MARCHF6: variants seen among roughly 807,000 people sequenced by gnomAD.
The protein encoded by MARCHF6 is membrane associated ring-CH-type finger 6, also known as E3 ubiquitin-protein ligase MARCHF6.
A neutral mutation model predicts 133.7 loss-of-function variants in MARCHF6; 31 were observed. That is an observed-to-expected ratio of 0.23 (90% CI 0.17 to 0.31). The LOEUF is 0.31. MARCHF6 is among the 10% of genes least tolerant of loss of function. The probability of loss-of-function intolerance (pLI) is 1.00; values close to 1 mark genes in which losing one functional copy is unlikely to be tolerated. For synonymous variants in MARCHF6, 395 were observed against 402.5 expected (o/e 0.98, Z 0.22); for missense variants, 723 against 1,121.6 (o/e 0.64, Z 5.08).
intron 1 of MARCHF6, among the ~76,000 whole-genome samples, chr5:10,375,983 C>T (rs972704890): frequency 2.0e-5 from 3 of 152,162 alleles, no homozygotes; most frequent in Non-Finnish European, 4.4e-5. Context: ...ACCTTTGTAT[C>T]TAGCTCAGGG....
chr5:10,396,314 A>T (rs2126745440), intron 9 of MARCHF6, among the ~76,000 whole-genome samples: 1 of 152,278 alleles, frequency 6.6e-6, no homozygotes, highest in African/African-American at 2.4e-5. Context: ...AGAGGGTTTG[A>T]TTAGGTCTTT....
intron 17 of MARCHF6, among the ~76,000 whole-genome samples, chr5:10,407,963 C>A (rs917908416): frequency 3.5e-5 from 5 of 143,178 alleles, no homozygotes; most frequent in African/African-American, 1.0e-4. Flanking sequence ...TCCCCCCCCC[C>A]CCAAAAAAAA....
chr5:10,422,454 C>A (rs753544746), intron 22 of MARCHF6, among the ~76,000 whole-genome samples: 2 of 152,022 alleles, frequency 1.3e-5, no homozygotes, highest in African/African-American at 2.4e-5. Flanking sequence ...TTATTAGACA[C>A]GGGGAAATCA....
intron 1 of MARCHF6, among the ~76,000 whole-genome samples, chr5:10,373,083 A>G (rs371007982): frequency 5.9e-5 from 9 of 151,890 alleles, no homozygotes; most frequent in East Asian, 3.9e-4. Flanking sequence ...CAAAACAACA[A>G]CAACAGCAAC....
chr5:10,361,886 C>A (rs1321675799), intron 1 of MARCHF6, among the ~76,000 whole-genome samples: 1 of 152,090 alleles, frequency 6.6e-6, no homozygotes, highest in African/African-American at 2.4e-5. Flanking sequence ...GCCTCAGCCT[C>A]CCGAGTAGCT....
intron 15 of MARCHF6, among the ~76,000 whole-genome samples, chr5:10,404,609 C>T (rs1423556321): frequency 1.3e-5 from 2 of 152,066 alleles, no homozygotes; most frequent in Non-Finnish European, 2.9e-5. Flanking sequence ...TTGGTTTACA[C>T]GGAGACGGGT....
rs143704202 is a variant in MARCHF6, at chr5:10,359,241, C to G, written c.19+5324C>G. ...AGGCATGACATTATGAAGAAAAAGT[C>G]GAATTGCTTCATATGTGCCATAGAT... On this transcript the variant is annotated intron_variant, in intron 1 of 25. Coordinates refer to ENST00000274140, the MANE Select transcript of MARCHF6 (RefSeq NM_005885.4). 6.5e-3 allele frequency among the ~76,000 whole-genome samples: 983 copies of G among 152,218 alleles called. 15 individuals carry two copies. The highest frequency in any genetic ancestry group is 0.055 in the South Asian group (263 of 4,822).
At chr5:10,398,815 T>C (rs1738343891) in intron 10 of MARCHF6, among the ~76,000 whole-genome samples, 1 of 152,220 alleles carries the variant, frequency 6.6e-6, no homozygotes, top group Non-Finnish European at 1.5e-5. Flanking sequence ...TTTTATTATA[T>C]AGTTAGAATC....
chr5:10,400,420 C>T (rs988158956), intron 10 of MARCHF6, among the ~76,000 whole-genome samples: 4 of 152,088 alleles, frequency 2.6e-5, no homozygotes, highest in African/African-American at 9.7e-5. Context: ...TTTGATGTTG[C>T]TTTTTCTCTT....
intron 24 of MARCHF6, 33 bp from the exon 25 acceptor site, chr5:10,429,860 T>G: frequency 6.3e-7 from 1 of 1,590,250 alleles, no homozygotes; most frequent in South Asian, 1.1e-5. Flanking sequence ...TTATTTCACA[T>G]ACACTGAAAG....
At position 10,366,191 on chromosome 5, in the gene MARCHF6, G is replaced by C. The variant is rs572986444; in HGVS notation, c.20-11607G>C. On this transcript the variant is annotated intron_variant, in intron 1 of 25. Transcript: ENST00000274140. ...AAGTGATCCATCTTGCCAAAGTGCT[G>C]GGATTACAGGCATGAGCCACTGCGC... Among the ~76,000 whole-genome samples, 6 of 152,230 alleles carry C rather than the reference G, an allele frequency of 3.9e-5. No individual in the cohort carries two copies. In the East Asian group the frequency reaches 1.2e-3, roughly 29 times the overall value.
intron 14 of MARCHF6, among the ~76,000 whole-genome samples, chr5:10,402,977 G>A (rs1349840874): frequency 6.6e-6 from 1 of 152,116 alleles, no homozygotes; most frequent in African/African-American, 2.4e-5. Flanking sequence ...TAACTAATAT[G>A]CTCAGTCTTG....
At chr5:10,394,949 G>A (rs1040969488) in intron 9 of MARCHF6, among the ~76,000 whole-genome samples, 164 bp downstream of exon 9, 16 of 152,052 alleles carry the variant, frequency 1.1e-4, no homozygotes, top group Middle Eastern at 3.4e-3. Flanking sequence ...ACAGGTGCCC[G>A]CCACCATGCC....
chr5:10,437,912 A>C lies in MARCHF6; in HGVS notation c.*4228A>C, dbSNP rs1740713171. ...TTGCTTTAAGATTGCAGAAATATGC[A>C]TTATTAGCCAGCATAGATAATCCAG... On this transcript the variant is annotated 3_prime_UTR_variant, in exon 26 of 26. Coordinates refer to ENST00000274140, the MANE Select transcript of MARCHF6 (RefSeq NM_005885.4). 1 of 152,672 alleles carries C rather than the reference A, an allele frequency of 6.5e-6. No individual in the cohort carries two copies. The highest frequency in any genetic ancestry group is 1.5e-5 in the Non-Finnish European group (1 of 68,038). 9.5% of individuals were successfully genotyped at this position (152,672 alleles called of 1,614,324 possible).
chr5:10,378,841 T>C lies in MARCHF6; in HGVS notation c.190+9T>C. On this transcript the variant is annotated intron_variant, in intron 3 of 25. Coordinates refer to ENST00000274140, the MANE Select transcript of MARCHF6 (RefSeq NM_005885.4). ...ATTTGCTTTTACACCAAGTAAGTTC[T>C]TTAGACATTTTCACTGCATTTTTTT... is the stretch of plus-strand genomic sequence containing the variant. 1 of 1,592,152 alleles carries C rather than the reference T, an allele frequency of 6.3e-7. No individual in the cohort carries two copies. Among genetic ancestry groups the C allele is most frequent in the East Asian group, 2.2e-5 (1 of 44,652 alleles).
At chr5:10,398,065 T>A (rs1408319569) in intron 10 of MARCHF6, among the ~76,000 whole-genome samples, 1 of 152,164 alleles carries the variant, frequency 6.6e-6, no homozygotes, top group Non-Finnish European at 1.5e-5. Context: ...TCTGATGGAA[T>A]GGGGTTATTG....
At chr5:10,400,931 T>C in intron 11 of MARCHF6, 89 bp downstream of exon 11, 1 of 1,050,526 alleles carries the variant, frequency 9.5e-7, no homozygotes. Flanking sequence ...GTTACATCAT[T>C]TCTTCATTGG....
At chr5:10,410,690 C>A (rs1468298417) in intron 18 of MARCHF6, among the ~76,000 whole-genome samples, 2 of 151,970 alleles carry the variant, frequency 1.3e-5, no homozygotes, top group African/African-American at 4.8e-5. Context: ...TTTCCCCAAG[C>A]TTTATATACT....
intron 1 of MARCHF6, among the ~76,000 whole-genome samples, chr5:10,377,463 T>C (rs1213545299): frequency 6.6e-6 from 1 of 152,248 alleles, no homozygotes; most frequent in African/African-American, 2.4e-5. Context: ...GTTAGGACGC[T>C]AATGGTGACC....
Sources: gnomAD v4.1 joint callset for allele counts (sites outside exome capture counted in the v4.1 genomes callset) on GRCh38, gnomAD v4.1.1 for gene constraint, MANE v1.5 for transcripts, NCBI Gene and HGNC (gene_info 2026-07-23, HGNC 2026-07-21) for gene names.